The following NAV2 variants were observed in gnomAD, a reference collection of about 807,000 sequenced individuals.
NAV2 encodes the protein neuron navigator 2.
A neutral mutation model predicts 223.2 loss-of-function variants in NAV2; 54 were observed. The ratio of observed to expected loss-of-function variants is 0.24; its 90% confidence interval spans 0.19 to 0.30. The LOEUF (loss-of-function observed/expected upper bound fraction) is 0.30, where lower values mean the gene tolerates loss of function less well. NAV2 is among the 10% of genes least tolerant of loss of function. The probability of loss-of-function intolerance (pLI) is 1.00; values close to 1 mark genes in which losing one functional copy is unlikely to be tolerated. For missense variants in NAV2, 2,806 were observed against 3,147.5 expected, an observed-to-expected ratio of 0.89 and a Z score of 2.60; for synonymous variants, 1,279 against 1,239.3, an observed-to-expected ratio of 1.03 and a Z score of -0.67.
intron 1 of NAV2, among the ~76,000 whole-genome samples, chr11:19,616,302 GA>G (rs1376545500): frequency 1.1e-5 from 1 of 92,660 alleles, no homozygotes; most frequent in African/African-American, 3.8e-5. Flanking sequence ...TTTTGCTTCT[GA>G]CTGTGTGTGT....
intron 6 of NAV2, among the ~76,000 whole-genome samples, chr11:19,916,319 A>G (rs1344161469): frequency 1.3e-5 from 2 of 152,230 alleles, no homozygotes; most frequent in Non-Finnish European, 2.9e-5. Context: ...ATGCAGCCCA[A>G]AGCATCACAG....
upstream of NAV2, among the ~76,000 whole-genome samples, chr11:19,347,074 G>A (rs1416383546): frequency 1.3e-5 from 2 of 152,086 alleles, no homozygotes; most frequent in East Asian, 3.9e-4. Flanking sequence ...CCCCAGTCCC[G>A]GCAGCCACTG....
At chr11:20,033,090 T>C (rs1222647120) in intron 11 of NAV2, among the ~76,000 whole-genome samples, 1 of 152,236 alleles carries the variant, frequency 6.6e-6, no homozygotes. Context: ...AAGGAGCACA[T>C]ATTTTGCAAT....
At chr11:19,814,325 G>A (rs1257268691) in intron 1 of NAV2, among the ~76,000 whole-genome samples, 5 of 152,076 alleles carry the variant, frequency 3.3e-5, no homozygotes, top group Admixed American at 3.3e-4. Context: ...GGGGGAAACT[G>A]GAAGCAATTT....
chr11:19,608,830 G>A (rs1259724862), intron 1 of NAV2, among the ~76,000 whole-genome samples: 1 of 152,170 alleles, frequency 6.6e-6, no homozygotes, highest in Non-Finnish European at 1.5e-5. Context: ...GGTGTCAGCA[G>A]GGCTGCATTC....
rs891070232 is a variant in NAV2 at position 19,869,875 on chromosome 11, A to G, written c.511+878A>G. 2.0e-5 allele frequency among the ~76,000 whole-genome samples: 3 copies of G among 152,184 alleles called. No individual in the cohort carries two copies. The East Asian group carries it at 5.8e-4, about 29-fold the overall frequency. On this transcript the variant is annotated intron_variant, in intron 4 of 37. Transcript: ENST00000349880. ...AAGGAAACAGCCAAATTGAGCAGGT[A>G]AGTTTGCAAGCATGATGGATTCCAT...
intron 1 of NAV2, among the ~76,000 whole-genome samples, chr11:19,639,940 A>G (rs909703335): frequency 2.6e-5 from 4 of 152,210 alleles, no homozygotes; most frequent in Admixed American, 6.5e-5. Context: ...GGCTCATTCA[A>G]ATTCAGCATG....
chr11:19,736,500 A>G (rs748320017), intron 1 of NAV2, among the ~76,000 whole-genome samples: 1 of 152,194 alleles, frequency 6.6e-6, no homozygotes, highest in Non-Finnish European at 1.5e-5. Flanking sequence ...TCTTTACTGC[A>G]TGTTTCATAA....
chr11:19,718,302 C>A (rs1476907839), intron 1 of NAV2, among the ~76,000 whole-genome samples: 1 of 152,052 alleles, frequency 6.6e-6, no homozygotes, highest in Non-Finnish European at 1.5e-5. Flanking sequence ...TTTGAGGAGA[C>A]ATTAGCCTAT....
At chr11:19,456,723 G>T (rs1441201892) in intron 1 of NAV2, among the ~76,000 whole-genome samples, 1 of 152,222 alleles carries the variant, frequency 6.6e-6, no homozygotes, top group East Asian at 1.9e-4. Flanking sequence ...AATTGTTAGA[G>T]GTGGGATTTG....
At chr11:19,748,802 G>C (rs2053576571) in intron 1 of NAV2, among the ~76,000 whole-genome samples, 1 of 152,350 alleles carries the variant, frequency 6.6e-6, no homozygotes, top group South Asian at 2.1e-4. Flanking sequence ...AGAGAAACAG[G>C]CTTGCAAGAC....
chr11:19,529,200 T>C (rs1417978619), intron 1 of NAV2, among the ~76,000 whole-genome samples: 5 of 152,216 alleles, frequency 3.3e-5, no homozygotes, highest in Non-Finnish European at 5.9e-5. Flanking sequence ...AACTTCACTG[T>C]AGTCTGTTCC....
chr11:19,349,373 C>A (rs1853169230), upstream of NAV2, among the ~76,000 whole-genome samples: 1 of 152,220 alleles, frequency 6.6e-6, no homozygotes, highest in African/African-American at 2.4e-5. Context: ...GGCCGAGTCT[C>A]ATGTCCGCCT....
chr11:19,383,139 C>T (rs1342467572), intron 1 of NAV2, among the ~76,000 whole-genome samples: 2 of 152,198 alleles, frequency 1.3e-5, no homozygotes, highest in Admixed American at 6.5e-5. Flanking sequence ...TGCTATAGTG[C>T]ACTAGCATCT....
intron 1 of NAV2, 39 bp downstream of exon 1, chr11:19,714,001 A>T: frequency 1.2e-6 from 2 of 1,606,396 alleles, no homozygotes; most frequent in Non-Finnish European, 1.7e-6. Context: ...TTCTGGAAGG[A>T]TGGATGAATA....
intron 1 of NAV2, among the ~76,000 whole-genome samples, chr11:19,387,456 T>C (rs1849086704): frequency 6.6e-6 from 1 of 152,130 alleles, no homozygotes; most frequent in Admixed American, 6.6e-5. Context: ...AGGTGGGTGG[T>C]GCACGAGAGA....
intron 1 of NAV2, among the ~76,000 whole-genome samples, chr11:19,414,636 A>C (rs1439701924): frequency 6.6e-6 from 1 of 152,226 alleles, no homozygotes; most frequent in East Asian, 1.9e-4. Flanking sequence ...AATCAACAGA[A>C]TATACCATCT....
intron 1 of NAV2, among the ~76,000 whole-genome samples, chr11:19,522,904 G>A (rs1168347304): frequency 6.6e-6 from 1 of 152,184 alleles, no homozygotes. Context: ...TACCTCCGGG[G>A]TCTTACTTGC....
chr11:19,797,224 C>A (rs577956610), intron 1 of NAV2, among the ~76,000 whole-genome samples: 4 of 144,584 alleles, frequency 2.8e-5, no homozygotes, highest in Admixed American at 1.3e-4. Context: ...TCCCCTCCAC[C>A]CCTCCTGGTC....
Sources: allele counts gnomAD v4.1 joint callset (sites outside exome capture counted in the v4.1 genomes callset), GRCh38; gene constraint gnomAD v4.1.1; transcripts MANE v1.5; gene names NCBI Gene and HGNC (gene_info 2026-07-23, HGNC 2026-07-21).